Variants in FAM222B observed in about 807,000 individuals in gnomAD.
The protein encoded by FAM222B is family with sequence similarity 222 member B, also known as protein FAM222B.
Under a neutral mutation model 38.0 loss-of-function variants are expected in FAM222B, and 12 were observed. That is an observed-to-expected ratio of 0.32 (90% CI 0.20 to 0.51). The LOEUF is 0.51. Among genes scored for constraint, FAM222B ranks in the 20% least tolerant of loss-of-function variants. FAM222B has a pLI of 0.97. For missense variants in FAM222B, 716 were observed against 754.2 expected, an observed-to-expected ratio of 0.95 and a Z score of 0.59; for synonymous variants, 329 against 317.2, an observed-to-expected ratio of 1.04 and a Z score of -0.40.
At chr17:28,854,897 C>A in intron 1 of FAM222B, 1 of 906,136 alleles carries the variant, frequency 1.1e-6, no homozygotes. Flanking sequence ...CAGAGCAATT[C>A]CTCCTCCCGC....
chr17:28,853,890 C>CT (rs2039202335), intron 1 of FAM222B, among the ~76,000 whole-genome samples: 1 of 151,114 alleles, frequency 6.6e-6, no homozygotes, highest in Non-Finnish European at 1.5e-5. Context: ...AGCACTGACT[C>CT]TAAGAACCTT....
chr17:28,808,169 CA>C (rs1053708669), intron 1 of FAM222B, among the ~76,000 whole-genome samples: 3 of 152,164 alleles, frequency 2.0e-5, no homozygotes, highest in Admixed American at 2.0e-4. Context: ...GGCCTGTTTC[CA>C]AAATGAATGC....
chr17:28,789,097 A>AAC, intron 1 of FAM222B, among the ~76,000 whole-genome samples: 1 of 151,258 alleles, frequency 6.6e-6, no homozygotes, highest in African/African-American at 2.4e-5. Flanking sequence ...AAAAAAAAAA[A>AAC]AAAAAACTAA....
Position 28,767,014 on chromosome 17 carries a change from G to A in FAM222B, c.-40-307C>T, listed in dbSNP as rs188135595. The A allele has an allele frequency of 1.7e-3, 393 of 226,624 alleles. 3 individuals carry two copies. Among genetic ancestry groups the A allele is most frequent in the Middle Eastern group, 0.012 (7 of 602 alleles). The allele number at this position is 226,624 out of a possible 1,614,324, so 14.0% of individuals were successfully genotyped here. A position where few individuals can be genotyped will look rare whatever the true frequency, so the allele number is the denominator to read the frequency against. ...TATAATGTCTCAGTATTCCTGAGGA[G>A]AGTGGGCCCTCATAGGGCCTGGCTC... On this transcript the variant is annotated intron_variant, in intron 1 of 2. Coordinates refer to ENST00000581407, the MANE Select transcript of FAM222B (RefSeq NM_001077498.3).
intron 1 of FAM222B, among the ~76,000 whole-genome samples, chr17:28,778,680 TGTG>T (rs1271994727): frequency 1.3e-4 from 13 of 96,386 alleles, no homozygotes; most frequent in African/African-American, 3.3e-4. Flanking sequence ...ATTTTTTTTT[TGTG>T]TGTGTGTGTG....
chr17:28,791,906 C>A (rs1486188777), intron 1 of FAM222B, among the ~76,000 whole-genome samples: 1 of 151,102 alleles, frequency 6.6e-6, no homozygotes, highest in Non-Finnish European at 1.5e-5. Context: ...GTGATCTGCC[C>A]GCCTTCGCCT....
intron 2 of FAM222B, among the ~76,000 whole-genome samples, chr17:28,762,857 T>G (rs1472468017): frequency 6.8e-6 from 1 of 146,178 alleles, no homozygotes; most frequent in Non-Finnish European, 1.5e-5. Flanking sequence ...AAGAATTGCT[T>G]AAACCCGGGA....
At chr17:28,851,945 G>C (rs1440228727) in intron 1 of FAM222B, among the ~76,000 whole-genome samples, 1 of 151,822 alleles carries the variant, frequency 6.6e-6, no homozygotes, top group East Asian at 1.9e-4. Flanking sequence ...CCAGCTACCT[G>C]GGAGGCTAAA....
chr17:28,782,473 C>T (rs2036206778), intron 1 of FAM222B, among the ~76,000 whole-genome samples: 1 of 151,882 alleles, frequency 6.6e-6, no homozygotes, highest in Non-Finnish European at 1.5e-5. Context: ...TAAATAACTC[C>T]CAAAGGAGGA....
At chr17:28,780,328 T>G (rs2036112476) in intron 1 of FAM222B, among the ~76,000 whole-genome samples, 1 of 152,016 alleles carries the variant, frequency 6.6e-6, no homozygotes, top group South Asian at 2.1e-4. Flanking sequence ...GGAAGTAAAA[T>G]TTTCTCTGTC....
At chr17:28,792,780 CAA>C (rs71135854) in intron 1 of FAM222B, among the ~76,000 whole-genome samples, 86 of 122,730 alleles carry the variant, frequency 7.0e-4, no homozygotes, top group Non-Finnish European at 8.1e-4. Context: ...GGCCCTATTT[CAA>C]AAAAAAAAAA....
upstream of FAM222B, among the ~76,000 whole-genome samples, chr17:28,845,422 CA>C (rs1311538865): frequency 7.6e-6 from 1 of 132,198 alleles, no homozygotes; most frequent in Non-Finnish European, 1.7e-5. Context: ...TACAAAAATA[CA>C]AAAAAATTGG....
chr17:28,790,896 T>TTC (rs2036645410), intron 1 of FAM222B, among the ~76,000 whole-genome samples: 1 of 102,056 alleles, frequency 9.8e-6, no homozygotes, highest in Admixed American at 9.9e-5. Flanking sequence ...TTTTTTTTTT[T>TTC]TTTTTTTTTT....
Position 28,759,343 on chromosome 17 carries a change from G to C in FAM222B, c.616C>G (p.Gln206Glu). ...AGGGCCTGAGGGTGGACCAAGCCCT[G>C]GGTTTGGGCCATGGGCTGAGGGTGG... ...LGHPQPMAQT[Q>E]GLVHPQALAH... is the part of the protein sequence containing the mutation. The change falls in exon 3 of 3, where the codon CAG becomes GAG. Residue 206 changes from glutamine to glutamate, a missense_variant. Physicochemically the swap from Gln to Glu is conservative, Grantham distance 29. Coordinates refer to ENST00000581407, the MANE Select transcript of FAM222B (RefSeq NM_001077498.3). The surrounding 1 kb of genome is among the most constrained non-coding windows in gnomAD (Gnocchi z 4.8). 1 of 1,610,290 alleles carries C rather than the reference G, an allele frequency of 6.2e-7. No individual in the cohort carries two copies. Among genetic ancestry groups the C allele is most frequent in the South Asian group, 1.1e-5 (1 of 90,434 alleles).
intron 1 of FAM222B, among the ~76,000 whole-genome samples, chr17:28,769,433 G>A (rs987283918): frequency 2.6e-5 from 4 of 151,914 alleles, no homozygotes; most frequent in South Asian, 2.1e-4. Context: ...CGCCCGCCTC[G>A]GCCTCCCAAA....
In FAM222B at chr17:28,758,722, C is replaced by T. The variant is rs748141075; in HGVS notation, c.1237G>A (p.Glu413Lys). 1.9e-6 allele frequency: 3 copies of T among 1,588,506 alleles called. No individual in the cohort carries two copies. Among genetic ancestry groups the T allele is most frequent in the South Asian group, 2.3e-5 (2 of 88,744 alleles). The change falls in exon 3 of 3, where the codon GAA (glutamate) becomes AAA (lysine). Residue 413 changes from glutamate (E) to lysine (K), a missense_variant. Transcript: ENST00000581407. ...FVGKAPAYPQ[E>K]LCLAQSFHLK... ...TGGAAGGACTGCGCCAGGCAGAGTT[C>T]CTGCGGGTAGGCAGGGGCCTTGCCC...
At chr17:28,772,048 C>T (rs1166734787) in intron 1 of FAM222B, among the ~76,000 whole-genome samples, 1 of 151,996 alleles carries the variant, frequency 6.6e-6, no homozygotes, top group Admixed American at 6.6e-5. Context: ...CAGAGCGAGA[C>T]TATGTCTCAA....
chr17:28,793,587 C>G (rs2036799754), intron 1 of FAM222B, among the ~76,000 whole-genome samples: 1 of 152,080 alleles, frequency 6.6e-6, no homozygotes, highest in Non-Finnish European at 1.5e-5. Flanking sequence ...CTTTCCTCTT[C>G]TTTCATTGTT....
chr17:28,810,362 ACTAG>A, intron 1 of FAM222B, among the ~76,000 whole-genome samples: 1 of 152,268 alleles, frequency 6.6e-6, no homozygotes. Flanking sequence ...TGTTTTATAT[ACTAG>A]CTAACTCTGT....
Sources: gnomAD v4.1 joint callset for allele counts (sites outside exome capture counted in the v4.1 genomes callset) on GRCh38, gnomAD v4.1.1 for gene constraint, Gnocchi (gnomAD v3.1) non-coding constraint, MANE v1.5 for transcripts, NCBI Gene and HGNC (gene_info 2026-07-23, HGNC 2026-07-21) for gene names.